The following RITA1 variants were observed in gnomAD, a reference collection of about 807,000 sequenced individuals.
RITA1 encodes the protein RBPJ interacting and tubulin associated 1.
RITA1 carries 15 observed loss-of-function variants against 8.7 expected under a neutral mutation model. The observed-to-expected ratio is 1.72, with a 90% CI of 1.15 to 2.65. The LOEUF (loss-of-function observed/expected upper bound fraction) is 2.65, where lower values mean the gene tolerates loss of function less well. Ranked by LOEUF, RITA1 falls within the 30% of genes most tolerant of loss-of-function variation. RITA1 has a pLI of 0.00. For synonymous variants in RITA1, 145 were observed against 156.2 expected, an observed-to-expected ratio of 0.93 and a Z score of 0.53; for missense variants, 330 against 363.8, an observed-to-expected ratio of 0.91 and a Z score of 0.76.
rs889699360 is a variant in RITA1, at chr12:113,191,619, C to T, written c.612C>T (p.His204=). The T allele has an allele frequency of 6.2e-7, 1 of 1,614,170 alleles. No individual in the cohort carries two copies. The highest frequency in any genetic ancestry group is 8.5e-7 in the Non-Finnish European group (1 of 1,180,030). The change falls in exon 4 of 4, where the codon CAC becomes CAT. Residue 204 remains histidine, a synonymous_variant. Transcript: ENST00000548278. The surrounding 1 kb of genome is among the most constrained non-coding windows in gnomAD (Gnocchi z 4.0). ...LKRGLSHSLT[H]LNVPSTGHPA... is the part of the protein sequence containing the mutation. ...GGGGACTTTCCCATTCCCTCACCCA[C>T]CTGAATGTCCCCAGCACTGGTCATC...
intron 3 of RITA1, among the ~76,000 whole-genome samples, chr12:113,190,044 A>AGAAAGAAAGAAAAG: frequency 6.7e-6 from 1 of 148,894 alleles, no homozygotes; most frequent in East Asian, 2.0e-4. Flanking sequence ...AAAAAAAAAA[A>AGAAAGAAAGAAAAG]AAAGGCCGGG....
At chr12:113,189,657 T>C (rs951509490) in intron 3 of RITA1, among the ~76,000 whole-genome samples, 2 of 147,770 alleles carry the variant, frequency 1.4e-5, no homozygotes, top group Non-Finnish European at 3.0e-5. Flanking sequence ...AGTTTGGGGA[T>C]AGAAGCACTT....
rs765209149 is a variant in RITA1, at chr12:113,186,839, G to A, written c.93G>A (p.Thr31=). The change falls in exon 3 of 4, where the codon ACG becomes ACA. Residue 31 remains threonine (T), a synonymous_variant. Coordinates refer to ENST00000548278, the MANE Select transcript of RITA1 (RefSeq NM_032848.3). ...GTGGCTACCGGGTCAAGGCCAGGAC[G>A]TCATATGTGGATGAGACTCTGTTTG... The part of the protein sequence containing the change: ...CRGGYRVKAR[T]SYVDETLFGS... 3.9e-5 allele frequency: 63 copies of A among 1,613,922 alleles called. No individual in the cohort carries two copies. The highest frequency in any genetic ancestry group is 1.6e-4 in the Middle Eastern group (1 of 6,084).
intron 3 of RITA1, among the ~76,000 whole-genome samples, chr12:113,187,778 A>AG (rs61168370): frequency 2.0e-5 from 3 of 151,476 alleles, no homozygotes; most frequent in Non-Finnish European, 4.4e-5. Flanking sequence ...AAAAAAAAAA[A>AG]TTGAAAATGG....
Position 113,191,466 on chromosome 12 carries a change from G to A in RITA1, c.459G>A (p.Ser153=), listed in dbSNP as rs376039649. Residue 153 remains serine, a synonymous_variant, in exon 4 of 4, where the codon TCG becomes TCA. Coordinates refer to ENST00000548278, the MANE Select transcript of RITA1 (RefSeq NM_032848.3). The surrounding 1 kb of genome is among the most constrained non-coding windows in gnomAD (Gnocchi z 4.0). ...TPPPTPRGSH[S]PRPREAPLRA... ...CACCTACCCCCAGGGGTAGCCACTC[G>A]CCCCGCCCCAGGGAGGCACCACTGC... 4.7e-5 allele frequency: 76 copies of A among 1,604,384 alleles called. No individual in the cohort carries two copies. The South Asian group carries it at 5.0e-4, about 10-fold the overall frequency.
At chr12:113,188,501 C>T (rs1952561737) in intron 3 of RITA1, among the ~76,000 whole-genome samples, 2 of 152,140 alleles carry the variant, frequency 1.3e-5, no homozygotes, top group Admixed American at 1.3e-4. Context: ...GCCACCGCGC[C>T]TGGCCACAAC....
At chr12:113,188,358 C>CGCCACCATGCCTG (rs562914980) in intron 3 of RITA1, among the ~76,000 whole-genome samples, 147 of 152,008 alleles carry the variant, frequency 9.7e-4, no homozygotes, top group African/African-American at 3.4e-3. Flanking sequence ...GCTGGGATTA[C>CGCCACCATGCCTG]GCCACCATGC....
chr12:113,189,755 G>T (rs967913654), intron 3 of RITA1, among the ~76,000 whole-genome samples: 113 of 147,202 alleles, frequency 7.7e-4, no homozygotes, highest in African/African-American at 2.5e-3. Context: ...AAAAAAAAAG[G>T]CCAGACAGGC....
intron 3 of RITA1, among the ~76,000 whole-genome samples, chr12:113,190,867 C>T (rs943996985): frequency 3.3e-5 from 5 of 152,310 alleles, no homozygotes; most frequent in African/African-American, 7.2e-5. Context: ...GAGATAGCCA[C>T]AAGCTGCTTT....
Position 113,186,723 on chromosome 12 carries a change from C to A in RITA1, c.-24C>A. The A allele has an allele frequency of 6.2e-7, 1 of 1,608,882 alleles. No homozygotes were observed. Among genetic ancestry groups the A allele is most frequent in the Non-Finnish European group, 8.5e-7 (1 of 1,176,534 alleles). Reference sequence around the variant, plus strand: ...GGGCCTGGCCGGCAGAGCACACCTGCTGTCACCAGGGACCACAGGCAGCAT... The same window carrying A: ...GGGCCTGGCCGGCAGAGCACACCTGATGTCACCAGGGACCACAGGCAGCAT... On this transcript the variant is annotated 5_prime_UTR_variant, in exon 3 of 4. It adds an upstream start codon to the 5' untranslated region. Transcript: ENST00000548278.
At chr12:113,190,158 C>A (rs976438694) in intron 3 of RITA1, among the ~76,000 whole-genome samples, 3 of 151,802 alleles carry the variant, frequency 2.0e-5, no homozygotes, top group African/African-American at 7.3e-5. Flanking sequence ...TGAAACCCCC[C>A]CCGTCTCTAC....
At chr12:113,187,331 T>C in intron 3 of RITA1, 1 of 356,662 alleles carries the variant, frequency 2.8e-6, no homozygotes, top group Non-Finnish European at 5.1e-6. Context: ...TATCCCCAAA[T>C]GTCACAAACT....
chr12:113,188,889 C>T (rs1952569187), intron 3 of RITA1, among the ~76,000 whole-genome samples: 1 of 137,898 alleles, frequency 7.3e-6, no homozygotes, highest in Non-Finnish European at 1.5e-5. Context: ...CGGATCACTG[C>T]AGCCTCCACC....
chr12:113,186,512 C>CT (rs2136332670), intron 2 of RITA1, among the ~76,000 whole-genome samples, 171 bp from the exon 3 acceptor site: 1 of 152,200 alleles, frequency 6.6e-6, no homozygotes, highest in South Asian at 2.1e-4. Context: ...ATTATGACAA[C>CT]TAAAAAAAAG....
intron 1 of RITA1, 28 bp from the exon 2 acceptor site, chr12:113,186,157 G>C: frequency 7.1e-7 from 1 of 1,412,246 alleles, no homozygotes; most frequent in Non-Finnish European, 9.6e-7. Context: ...ACAAGCTCTG[G>C]ACTCAGATTT....
In RITA1 at chr12:113,191,353, G is replaced by A. The variant is rs768474462; in HGVS notation, c.346G>A (p.Gly116Ser). Residue 116 changes from glycine (G) to serine (S), a missense_variant, in exon 4 of 4, where the codon GGC becomes AGC. Coordinates refer to ENST00000548278, the MANE Select transcript of RITA1 (RefSeq NM_032848.3). This position sits in a 1 kb window ranked among gnomAD's most constrained non-coding sequence, Gnocchi z 4.0. ...TPSYCDESLF[G>S]SRSEGASFGA... ...GTCTTACTGTGATGAGTCGCTGTTT[G>A]GCTCCCGATCTGAAGGCGCCAGCTT... is the stretch of plus-strand genomic sequence containing the variant. 1 of 1,573,440 alleles carries A rather than the reference G, an allele frequency of 6.4e-7. No homozygotes were observed. Among genetic ancestry groups the A allele is most frequent in the East Asian group, 2.2e-5 (1 of 44,450 alleles).
Position 113,186,242 on chromosome 12 carries a change from G to T in RITA1, c.-139G>T. The T allele has an allele frequency of 7.2e-7, 1 of 1,397,964 alleles. No individual in the cohort carries two copies. 86.6% of individuals were successfully genotyped at this position (1,397,964 alleles called of 1,614,324 possible). A position where few individuals can be genotyped will look rare whatever the true frequency, so the allele number is the denominator to read the frequency against. On this transcript the variant is annotated 5_prime_UTR_variant, in exon 2 of 4. Coordinates refer to ENST00000548278, the MANE Select transcript of RITA1 (RefSeq NM_032848.3). Reference sequence around the variant, plus strand: ...CCTCAGTTTTGTGATCCGTAAAATGGACAAATTCGAAGCTACTTCACAGTG... The same window carrying T: ...CCTCAGTTTTGTGATCCGTAAAATGTACAAATTCGAAGCTACTTCACAGTG...
chr12:113,190,715 T>C (rs938204628), intron 3 of RITA1, among the ~76,000 whole-genome samples: 26 of 152,306 alleles, frequency 1.7e-4, no homozygotes, highest in African/African-American at 6.3e-4. Context: ...CAATTGCAAG[T>C]GACAGAAAAC....
Position 113,192,230 on chromosome 12 carries a change from C to T in RITA1, c.*413C>T, listed in dbSNP as rs1952617847. 4 of 169,418 alleles carry T rather than the reference C, an allele frequency of 2.4e-5. No homozygotes were observed. The highest frequency in any genetic ancestry group is 2.3e-4 in the Admixed American group (4 of 17,314). 10.5% of individuals were successfully genotyped at this position (169,418 alleles called of 1,614,324 possible). ...TAGTTTCCAGCTAAGTCTGCAAGCCCTAGAGGAGTTTTTCCAGGCTGTCTG... is the reference window on the plus strand; with the variant it reads ...TAGTTTCCAGCTAAGTCTGCAAGCCTTAGAGGAGTTTTTCCAGGCTGTCTG... On this transcript the variant is annotated 3_prime_UTR_variant, in exon 4 of 4. Coordinates refer to ENST00000548278, the MANE Select transcript of RITA1 (RefSeq NM_032848.3).
Sources: allele counts gnomAD v4.1 joint callset (sites outside exome capture counted in the v4.1 genomes callset), GRCh38; gene constraint gnomAD v4.1.1; non-coding constraint Gnocchi (gnomAD v3.1); transcripts MANE v1.5; gene names NCBI Gene and HGNC (gene_info 2026-07-23, HGNC 2026-07-21).